TMEM181: variants seen among roughly 807,000 people sequenced by gnomAD.
The protein encoded by TMEM181 is transmembrane protein 181.
Under a neutral mutation model 71.9 loss-of-function variants are expected in TMEM181, and 39 were observed. The ratio of observed to expected loss-of-function variants is 0.54; its 90% CI spans 0.42 to 0.71. The LOEUF (loss-of-function observed/expected upper bound fraction) is 0.71. Among genes scored for constraint, TMEM181 ranks in the 30% least tolerant of loss-of-function variants. The pLI, the probability that TMEM181 is intolerant of heterozygous loss-of-function variation, is 0.00. For missense variants in TMEM181, 595 were observed against 583.0 expected (o/e 1.02, Z -0.21); for synonymous variants, 245 against 228.8 (o/e 1.07, Z -0.64).
chr6:158,586,071 C>A (rs1430488362), intron 5 of TMEM181, among the ~76,000 whole-genome samples: 1 of 152,198 alleles, frequency 6.6e-6, no homozygotes, highest in African/African-American at 2.4e-5. Flanking sequence ...TGTGTGAAGC[C>A]AAGTACCTGG....
At position 158,628,399 on chromosome 6, in the gene TMEM181, C is replaced by A. The variant is rs1191573996; in HGVS notation, c.1110-9C>A. ...TTACATATTGTCTCTGCTCCTCTGT[C>A]TTGTTCAGCATCGCCATCCTTTATT... On this transcript the variant is annotated splice_polypyrimidine_tract_variant and intron_variant, in intron 13 of 16. Coordinates refer to ENST00000684151, the MANE Select transcript of TMEM181 (RefSeq NM_001376852.1). 3.7e-6 allele frequency: 6 copies of A among 1,613,968 alleles called. No homozygotes were observed. The South Asian group carries it at 6.6e-5, about 18-fold the overall frequency.
Position 158,632,326 on chromosome 6 carries a change from CAAAGG to C in TMEM181, c.*439_*443del. 5.4e-6 allele frequency: 1 copy of C among 183,956 alleles called. No homozygotes were observed. Among genetic ancestry groups the C allele is most frequent in the South Asian group, 1.0e-4 (1 of 9,878 alleles). The allele number at this position is 183,956 out of a possible 1,614,324, so 11.4% of individuals were successfully genotyped here. A position where few individuals can be genotyped will look rare whatever the true frequency, so the allele number is the denominator to read the frequency against. On this transcript the variant is annotated 3_prime_UTR_variant, in exon 17 of 17. Coordinates refer to ENST00000684151, the MANE Select transcript of TMEM181 (RefSeq NM_001376852.1). ...GTACTGTTTTGTGACCCTTTAAACT[CAAAGG>C]GAAGCCTTATCTGTGGCTGCTTCAG...
intron 1 of TMEM181, among the ~76,000 whole-genome samples, chr6:158,541,625 G>C (rs1467443555): frequency 1.3e-5 from 2 of 152,116 alleles, no homozygotes; most frequent in Non-Finnish European, 2.9e-5. Context: ...ACGCCTCCAT[G>C]CTGGCCAACC....
At chr6:158,600,387 C>T (rs1014762220) in intron 6 of TMEM181, among the ~76,000 whole-genome samples, 4 of 150,938 alleles carry the variant, frequency 2.7e-5, no homozygotes, top group East Asian at 1.9e-4. Context: ...TGACCTCAGG[C>T]GATCCACCCG....
chr6:158,613,312 C>G (rs972911788), intron 10 of TMEM181, among the ~76,000 whole-genome samples: 1 of 152,174 alleles, frequency 6.6e-6, no homozygotes, highest in African/African-American at 2.4e-5. Context: ...GACTGGTTTG[C>G]TTTATTATAC....
chr6:158,576,843 A>G (rs1783188974), intron 2 of TMEM181, among the ~76,000 whole-genome samples: 2 of 152,028 alleles, frequency 1.3e-5, no homozygotes. Flanking sequence ...TGGGTGGATC[A>G]CGACGTCAGG....
upstream of TMEM181, chr6:158,560,045 C>T (rs1482436357): frequency 1.0e-6 from 1 of 985,196 alleles, no homozygotes; most frequent in Admixed American, 6.1e-5. Context: ...CCTCTTCCGC[C>T]GTGAGAGTCG....
At chr6:158,605,393 A>C (rs752819924) in intron 7 of TMEM181, 46 bp downstream of exon 7, 1 of 1,573,372 alleles carries the variant, frequency 6.4e-7, no homozygotes, top group East Asian at 2.2e-5. Context: ...CCAGCCAGGA[A>C]GAAGCTGGTT....
chr6:158,590,601 T>C (rs1473622337), intron 6 of TMEM181, among the ~76,000 whole-genome samples: 1 of 152,124 alleles, frequency 6.6e-6, no homozygotes, highest in East Asian at 1.9e-4. Flanking sequence ...GTAGCTGGGA[T>C]TACAAGTGTG....
At chr6:158,540,043 A>G (rs895342303) in intron 1 of TMEM181, among the ~76,000 whole-genome samples, 6 of 152,238 alleles carry the variant, frequency 3.9e-5, no homozygotes, top group Non-Finnish European at 7.3e-5. Flanking sequence ...CGGCAGCTTA[A>G]TGATGTAATC....
intron 1 of TMEM181, among the ~76,000 whole-genome samples, chr6:158,542,145 G>A (rs1274211643): frequency 2.6e-5 from 4 of 151,694 alleles, no homozygotes; most frequent in South Asian, 2.1e-4. Context: ...GACCTCAAGC[G>A]ATCCGCCCAC....
intron 1 of TMEM181, among the ~76,000 whole-genome samples, chr6:158,549,045 C>T (rs1364984626): frequency 6.7e-6 from 1 of 149,216 alleles, no homozygotes; most frequent in Non-Finnish European, 1.5e-5. Flanking sequence ...GCAGGGGCCA[C>T]AGAAAATAGG....
intron 13 of TMEM181, 109 bp from the exon 14 acceptor site, chr6:158,628,299 T>C (rs756673207): frequency 1.0e-6 from 1 of 988,262 alleles, no homozygotes; most frequent in African/African-American, 1.6e-5. Context: ...CATGCAGAAA[T>C]CATAGTGTAC....
At chr6:158,631,634 G>T (rs1439571507) in intron 16 of TMEM181, among the ~76,000 whole-genome samples, 176 bp from the exon 17 acceptor site, 3 of 152,242 alleles carry the variant, frequency 2.0e-5, no homozygotes, top group Non-Finnish European at 4.4e-5. Flanking sequence ...GGACTGATGG[G>T]CCCTGGGAAC....
intron 1 of TMEM181, among the ~76,000 whole-genome samples, chr6:158,541,242 T>G (rs560444862): frequency 6.6e-6 from 1 of 151,524 alleles, no homozygotes; most frequent in Non-Finnish European, 1.5e-5. Flanking sequence ...GTGGCGAAAC[T>G]CCATCTCTAC....
At chr6:158,626,714 C>T (rs769657579) in intron 13 of TMEM181, 20 of 457,208 alleles carry the variant, frequency 4.4e-5, no homozygotes, top group South Asian at 1.1e-4. Context: ...TAGGTGTGCA[C>T]GTTGTCTCTG....
chr6:158,571,150 G>T (rs138262713), intron 1 of TMEM181, among the ~76,000 whole-genome samples: 1 of 151,818 alleles, frequency 6.6e-6, no homozygotes, highest in Non-Finnish European at 1.5e-5. Context: ...AGGCTGAAGT[G>T]CAGTGGTGCC....
intron 5 of TMEM181, among the ~76,000 whole-genome samples, chr6:158,586,566 C>A (rs1320958135): frequency 6.6e-6 from 1 of 152,164 alleles, no homozygotes; most frequent in Non-Finnish European, 1.5e-5. Flanking sequence ...AACCTGTGCC[C>A]TTTTATTCTG....
At position 158,634,266 on chromosome 6, in the gene TMEM181, A is replaced by C. The variant is rs1230882064; in HGVS notation, c.*2378A>C. The stretch of plus-strand genomic sequence containing the variant: ...ACCGACATATTACATACCCCATGTA[A>C]AATTTTGCTTAAACTCTCTAGCACT... On this transcript the variant is annotated 3_prime_UTR_variant, in exon 17 of 17. Coordinates refer to ENST00000684151, the MANE Select transcript of TMEM181 (RefSeq NM_001376852.1). 2.0e-5 allele frequency: 3 copies of C among 152,222 alleles called. No homozygotes were observed. The highest frequency in any genetic ancestry group is 4.4e-5 in the Non-Finnish European group (3 of 68,038). The allele number at this position is 152,222 out of a possible 1,614,324, so 9.4% of individuals were successfully genotyped here.
Sources: allele counts gnomAD v4.1 joint callset (sites outside exome capture counted in the v4.1 genomes callset), GRCh38; gene constraint gnomAD v4.1.1; transcripts MANE v1.5; gene names NCBI Gene and HGNC (gene_info 2026-07-23, HGNC 2026-07-21).